The following C14orf39 variants were observed in gnomAD, a reference collection of about 807,000 sequenced individuals.
C14orf39 encodes chromosome 14 open reading frame 39, also known as protein SIX6OS1.
In C14orf39, 66 loss-of-function variants were observed where a neutral mutation model predicts 85.6. The observed-to-expected ratio is 0.77, with a 90% CI of 0.63 to 0.95. C14orf39 has a LOEUF of 0.95. C14orf39 is among the 40% of genes least tolerant of loss of function. The probability of loss-of-function intolerance (pLI) is 0.00; values close to 1 mark genes in which losing one functional copy is unlikely to be tolerated. For synonymous variants in C14orf39, 242 were observed against 214.0 expected (o/e 1.13, Z -1.14); for missense variants, 735 against 663.9 (o/e 1.11, Z -1.18).
chr14:60,487,857 G>C (rs962313749), upstream of C14orf39, among the ~76,000 whole-genome samples: 1 of 151,868 alleles, frequency 6.6e-6, no homozygotes, highest in African/African-American at 2.4e-5. Context: ...TTTGCATTTC[G>C]CTATGATTAT....
chr14:60,513,388 G>C lies in C14orf39; in HGVS notation c.-144+2007C>G, dbSNP rs112827513. 8.8e-4 allele frequency among the ~76,000 whole-genome samples: 134 copies of C among 152,304 alleles called. 1 individual carries two copies. In the Middle Eastern group the frequency reaches 0.02, roughly 23 times the overall value. On this transcript the variant is annotated intron_variant, in intron 1 of 5. Transcript: ENST00000556799. Reference sequence around the variant, plus strand: ...GGCGAGGACTAGAGTGAGGCCAGGAGGGGACTCACGGTCAAGGTTATGCAA... The same window carrying C: ...GGCGAGGACTAGAGTGAGGCCAGGACGGGACTCACGGTCAAGGTTATGCAA...
intron 5 of C14orf39, among the ~76,000 whole-genome samples, chr14:60,475,245 T>C (rs1179603261): frequency 6.6e-6 from 1 of 152,212 alleles, no homozygotes; most frequent in Non-Finnish European, 1.5e-5. Flanking sequence ...TCGGTGGTGA[T>C]ATCCCCTTTA....
chr14:60,503,997 G>A (rs1893175468), intron 1 of C14orf39, among the ~76,000 whole-genome samples: 1 of 152,128 alleles, frequency 6.6e-6, no homozygotes. Context: ...TGTGGGGTCT[G>A]GGGGACCACT....
upstream of C14orf39, among the ~76,000 whole-genome samples, chr14:60,487,720 G>C (rs547033537): frequency 3.9e-5 from 6 of 152,196 alleles, no homozygotes; most frequent in South Asian, 1.2e-3. Flanking sequence ...TTCCCTAATG[G>C]CGGTACCCAT....
intron 14 of C14orf39, among the ~76,000 whole-genome samples, chr14:60,458,430 T>C (rs574792343): frequency 3.9e-4 from 59 of 152,026 alleles, no homozygotes; most frequent in Non-Finnish European, 7.5e-4. Context: ...GTTCCAACGA[T>C]GTTGCTGCAA....
intron 2 of C14orf39, chr14:60,494,117 A>G: frequency 3.1e-6 from 1 of 318,942 alleles, no homozygotes; most frequent in South Asian, 3.9e-5. Flanking sequence ...TCCACACGAC[A>G]GGGTCCACAT....
At chr14:60,441,880 A>T (rs1890531344) in intron 17 of C14orf39, among the ~76,000 whole-genome samples, 194 bp downstream of exon 17, 2 of 152,288 alleles carry the variant, frequency 1.3e-5, no homozygotes, top group Admixed American at 6.5e-5. Flanking sequence ...AACCTTGGAG[A>T]AAGTAAGTTT....
At chr14:60,510,112 G>A (rs557167130) in intron 1 of C14orf39, 1 of 748,348 alleles carries the variant, frequency 1.3e-6, no homozygotes. Flanking sequence ...AGAGCCCTGC[G>A]TTCTGGGCTC....
At chr14:60,474,975 G>A (rs191093545) in intron 5 of C14orf39, among the ~76,000 whole-genome samples, 148 of 152,284 alleles carry the variant, frequency 9.7e-4, no homozygotes, top group South Asian at 2.5e-3. Context: ...CAGAAGGAAT[G>A]GTACCAGCTC....
intron 1 of C14orf39, among the ~76,000 whole-genome samples, chr14:60,513,355 G>A (rs1893320869): frequency 6.6e-6 from 1 of 152,152 alleles, no homozygotes; most frequent in South Asian, 2.1e-4. Flanking sequence ...GAATGCTAAC[G>A]AGGGGCTGGC....
intron 1 of C14orf39, among the ~76,000 whole-genome samples, chr14:60,508,293 T>C (rs1247033675): frequency 1.3e-5 from 2 of 152,162 alleles, no homozygotes; most frequent in Non-Finnish European, 2.9e-5. Context: ...AAATAAGCTT[T>C]TAAGTTGCTG....
chr14:60,509,714 C>A, intron 1 of C14orf39: 1 of 1,614,138 alleles, frequency 6.2e-7, no homozygotes, highest in Non-Finnish European at 8.5e-7. Flanking sequence ...GCGTGGAAGA[C>A]CCCTGGGACC....
intron 2 of C14orf39, among the ~76,000 whole-genome samples, chr14:60,499,108 T>C (rs1893105307): frequency 6.6e-6 from 1 of 151,810 alleles, no homozygotes; most frequent in African/African-American, 2.4e-5. Context: ...ATACAAAAAA[T>C]AGCTGGGCAT....
At chr14:60,513,943 G>C (rs960823277) in intron 1 of C14orf39, among the ~76,000 whole-genome samples, 1 of 152,192 alleles carries the variant, frequency 6.6e-6, no homozygotes, top group Non-Finnish European at 1.5e-5. Context: ...ACATTTTAAA[G>C]TAGCTATTCT....
intron 1 of C14orf39, among the ~76,000 whole-genome samples, chr14:60,514,605 T>A (rs1416052845): frequency 6.6e-6 from 1 of 152,058 alleles, no homozygotes; most frequent in Admixed American, 6.5e-5. Flanking sequence ...AGTTTGTTTA[T>A]AAAAAATCTG....
upstream of C14orf39, among the ~76,000 whole-genome samples, chr14:60,489,101 T>C (rs1396850474): frequency 2.6e-5 from 4 of 152,224 alleles, no homozygotes; most frequent in Non-Finnish European, 4.4e-5. Context: ...TTACTTCCAG[T>C]CCTATCCTAT....
Position 60,475,236 on chromosome 14 carries a change from C to T in C14orf39, c.323+3064G>A, listed in dbSNP as rs535154204. 1.4e-4 allele frequency among the ~76,000 whole-genome samples: 22 copies of T among 152,078 alleles called. No individual in the cohort carries two copies. In the South Asian group the frequency reaches 3.5e-3, roughly 24 times the overall value. On this transcript the variant is annotated intron_variant, in intron 5 of 17. Transcript: ENST00000321731. ...ATGGTAGTTTGTATTTCTGTGGGATCGGTGGTGATATCCCCTTTATCATCT... is the reference window on the plus strand; with the variant it reads ...ATGGTAGTTTGTATTTCTGTGGGATTGGTGGTGATATCCCCTTTATCATCT...
intron 4 of C14orf39, among the ~76,000 whole-genome samples, chr14:60,479,401 T>C (rs1379685012): frequency 1.3e-5 from 2 of 152,136 alleles, no homozygotes; most frequent in East Asian, 3.8e-4. Context: ...CACTGGAAAC[T>C]AGTAGAGGGG....
At chr14:60,457,287 A>G (rs1215078231) in intron 14 of C14orf39, among the ~76,000 whole-genome samples, 192 bp from the exon 15 acceptor site, 1 of 151,980 alleles carries the variant, frequency 6.6e-6, no homozygotes, top group African/African-American at 2.4e-5. Context: ...ATAAATATTT[A>G]TCCAATTTTT....
Sources: gnomAD v4.1 joint callset for allele counts (sites outside exome capture counted in the v4.1 genomes callset) on GRCh38, gnomAD v4.1.1 for gene constraint, MANE v1.5 for transcripts, NCBI Gene and HGNC (gene_info 2026-07-23, HGNC 2026-07-21) for gene names.